KSR1: variants seen among roughly 807,000 people sequenced by gnomAD.
KSR1 encodes kinase suppressor of ras.
KSR1 carries 35 observed loss-of-function variants against 92.9 expected under a neutral mutation model. The ratio of observed to expected loss-of-function variants is 0.38; its 90% CI spans 0.29 to 0.50. KSR1 has a LOEUF of 0.50. Among genes scored for constraint, KSR1 ranks in the 20% least tolerant of loss-of-function variants. The probability of loss-of-function intolerance (pLI) is 0.94; values close to 1 mark genes in which losing one functional copy is unlikely to be tolerated. For missense variants in KSR1, 972 were observed against 1,158.5 expected, an observed-to-expected ratio of 0.84 and a Z score of 2.34; for synonymous variants, 467 against 472.6, an observed-to-expected ratio of 0.99 and a Z score of 0.15.
At chr17:27,479,496 G>A (rs933889510) in intron 1 of KSR1, among the ~76,000 whole-genome samples, 17 of 152,182 alleles carry the variant, frequency 1.1e-4, no homozygotes, top group African/African-American at 2.9e-4. Context: ...TGAGGCGGGT[G>A]TAGGGAAGGG....
At chr17:27,585,840 G>T in intron 5 of KSR1, 179 bp downstream of exon 5, 1 of 642,156 alleles carries the variant, frequency 1.6e-6, no homozygotes. Flanking sequence ...GCCTTAAAGT[G>T]ACTGGCTGGC....
At chr17:27,515,611 G>GTTTTTTTTTTTTTTTTTTTTTTT (rs770675553) in intron 1 of KSR1, among the ~76,000 whole-genome samples, 1 of 109,048 alleles carries the variant, frequency 9.2e-6, no homozygotes, top group Admixed American at 9.2e-5. Flanking sequence ...CTGCTTCGTA[G>GTTTTTTTTTTTTTTTTTTTTTTT]TTTTTTTTTT....
At chr17:27,564,878 C>G (rs995688333) in intron 2 of KSR1, among the ~76,000 whole-genome samples, 2 of 152,046 alleles carry the variant, frequency 1.3e-5, no homozygotes, top group Admixed American at 1.3e-4. Context: ...TGCAGCTCCA[C>G]AGGAAGGGTC....
intron 1 of KSR1, among the ~76,000 whole-genome samples, chr17:27,507,685 T>G (rs2069445999): frequency 6.8e-6 from 1 of 147,662 alleles, no homozygotes; most frequent in South Asian, 2.3e-4. Context: ...CAAGTGATTC[T>G]TCTGCCTTAG....
intron 1 of KSR1, 125 bp downstream of exon 1, chr17:27,456,999 C>T: frequency 1.5e-6 from 1 of 661,730 alleles, no homozygotes; most frequent in Non-Finnish European, 2.7e-6. Flanking sequence ...CTTCCCCTCC[C>T]TCCTGCACTC....
intron 19 of KSR1, 80 bp from the exon 20 acceptor site, chr17:27,621,113 C>A (rs961754680): frequency 5.0e-6 from 2 of 398,450 alleles, no homozygotes; most frequent in Non-Finnish European, 8.8e-6. Flanking sequence ...CACCTGTCCA[C>A]ACGTGCCTGA....
chr17:27,575,266 A>C lies in KSR1; in HGVS notation c.373-2226A>C, dbSNP rs565783943. Among the ~76,000 whole-genome samples, 16 of 152,332 alleles carry C rather than the reference A, an allele frequency of 1.1e-4. No individual in the cohort carries two copies. In the South Asian group the frequency reaches 2.5e-3, roughly 24 times the overall value. On this transcript the variant is annotated intron_variant, in intron 2 of 20. Coordinates refer to ENST00000644974, the MANE Select transcript of KSR1 (RefSeq NM_001394583.1). ...TCTTGACCATATGCTAAACTGGGGT[A>C]GATTATTTGTGAATTTTCTGGGAAA...
At chr17:27,497,913 C>T (rs1365050407) in intron 1 of KSR1, among the ~76,000 whole-genome samples, 2 of 152,128 alleles carry the variant, frequency 1.3e-5, no homozygotes, top group African/African-American at 4.8e-5. Flanking sequence ...AAGACCGTCA[C>T]GGTGGCAGTT....
At chr17:27,508,065 C>G (rs373158967) in intron 1 of KSR1, among the ~76,000 whole-genome samples, 11 of 152,312 alleles carry the variant, frequency 7.2e-5, no homozygotes, top group African/African-American at 2.6e-4. Context: ...TGCTCCCCAA[C>G]CTGCCACCTT....
At chr17:27,606,113 C>G (rs570077230) in intron 14 of KSR1, among the ~76,000 whole-genome samples, 3 of 152,280 alleles carry the variant, frequency 2.0e-5, no homozygotes, top group African/African-American at 7.2e-5. Flanking sequence ...GACGCTGTCT[C>G]TACAAAAAAA....
chr17:27,526,613 G>A (rs2070309078), intron 1 of KSR1: 3 of 1,575,108 alleles, frequency 1.9e-6, no homozygotes, highest in East Asian at 2.2e-5. Flanking sequence ...TGTTGATCAT[G>A]TTCAGTCCTC....
At chr17:27,560,944 C>G (rs1452607277) in intron 2 of KSR1, among the ~76,000 whole-genome samples, 1 of 152,196 alleles carries the variant, frequency 6.6e-6, no homozygotes, top group East Asian at 1.9e-4. Flanking sequence ...TTGGTACCAG[C>G]CCAGTGGGGG....
At chr17:27,491,057 C>T (rs1567758098) in intron 1 of KSR1, among the ~76,000 whole-genome samples, 1 of 151,948 alleles carries the variant, frequency 6.6e-6, no homozygotes, top group African/African-American at 2.4e-5. Flanking sequence ...GTATCTATAA[C>T]TGTGTGTGTA....
intron 1 of KSR1, 59 bp downstream of exon 1, chr17:27,456,933 GCCCC>G: frequency 1.3e-6 from 1 of 745,236 alleles, no homozygotes; most frequent in Non-Finnish European, 2.4e-6. Context: ...CTCCCTCCGG[GCCCC>G]AGTACTCCTG....
chr17:27,591,533 T>C (rs1385767880), intron 7 of KSR1, among the ~76,000 whole-genome samples: 1 of 152,140 alleles, frequency 6.6e-6, no homozygotes, highest in African/African-American at 2.4e-5. Flanking sequence ...ACATCAACCA[T>C]GGGGATGGCT....
intron 9 of KSR1, 94 bp downstream of exon 9, chr17:27,592,720 G>A (rs1039931341): frequency 1.3e-5 from 13 of 988,568 alleles, no homozygotes; most frequent in Admixed American, 9.6e-5. Flanking sequence ...GGGAAGTTTG[G>A]CATGACACCA....
chr17:27,491,914 T>C (rs2068844112), intron 1 of KSR1, among the ~76,000 whole-genome samples: 1 of 152,164 alleles, frequency 6.6e-6, no homozygotes, highest in Non-Finnish European at 1.5e-5. Flanking sequence ...TATACTCTGC[T>C]CACCATCTGT....
intron 1 of KSR1, among the ~76,000 whole-genome samples, chr17:27,491,447 C>T (rs926454030): frequency 1.4e-4 from 22 of 151,952 alleles, no homozygotes; most frequent in African/African-American, 4.6e-4. Flanking sequence ...GTCTTGGCCT[C>T]CCAAAGTGCT....
intron 2 of KSR1, 62 bp downstream of exon 2, chr17:27,550,770 C>T: frequency 2.7e-6 from 2 of 730,254 alleles, no homozygotes; most frequent in Non-Finnish European, 5.1e-6. Flanking sequence ...GGAACACACA[C>T]AAACCCGAGG....
Sources: gnomAD v4.1 joint callset for allele counts (sites outside exome capture counted in the v4.1 genomes callset) on GRCh38, gnomAD v4.1.1 for gene constraint, MANE v1.5 for transcripts, NCBI Gene and HGNC (gene_info 2026-07-23, HGNC 2026-07-21) for gene names.